The following DOCK6 variants were observed in gnomAD, a reference collection of about 807,000 sequenced individuals.
DOCK6 encodes the protein dedicator of cytokinesis 6.
In DOCK6, 167 loss-of-function variants were observed where a neutral mutation model predicts 230.3. That is an observed-to-expected ratio of 0.73 (90% confidence interval 0.64 to 0.82). The LOEUF (loss-of-function observed/expected upper bound fraction) is 0.82. DOCK6 is among the 40% of genes least tolerant of loss of function. DOCK6 has a pLI of 0.00. For missense variants in DOCK6, 2,598 were observed against 2,825.8 expected (o/e 0.92, Z 1.83); for synonymous variants, 1,148 against 1,185.0 (o/e 0.97, Z 0.64).
intron 22 of DOCK6, 109 bp from the exon 23 acceptor site, chr19:11,229,144 C>A: frequency 8.0e-7 from 1 of 1,254,292 alleles, no homozygotes; most frequent in Non-Finnish European, 1.1e-6. Context: ...GTTAGTGCAG[C>A]AGGAGCCAGG....
Position 11,242,037 on chromosome 19 carries a change from G to C in DOCK6, c.1643+8C>G. On this transcript the variant is annotated splice_region_variant and intron_variant, in intron 14 of 47. Coordinates refer to ENST00000294618, the MANE Select transcript of DOCK6 (RefSeq NM_020812.4). ...TTCAAGTGCCCAGCTGGGCCCCAGAGGCCGTACCTGTAGCTGGTATGGGGG... is the reference window on the plus strand; with the variant it reads ...TTCAAGTGCCCAGCTGGGCCCCAGACGCCGTACCTGTAGCTGGTATGGGGG... The C allele has an allele frequency of 6.4e-7, 1 of 1,566,592 alleles. No individual in the cohort carries two copies.
At chr19:11,253,824 TA>T in intron 1 of DOCK6, 98 bp from the exon 2 acceptor site, 1 of 865,348 alleles carries the variant, frequency 1.2e-6, no homozygotes. Flanking sequence ...TGGAACGAAA[TA>T]AATAGGCCGA....
chr19:11,228,794 C>A (rs2079714471), intron 23 of DOCK6, 146 bp downstream of exon 23: 3 of 655,496 alleles, frequency 4.6e-6, no homozygotes, highest in Non-Finnish European at 7.9e-6. Flanking sequence ...GATCTCCTGA[C>A]CTCGTGATCC....
chr19:11,200,782 G>A lies in DOCK6; in HGVS notation c.5873C>T (p.Pro1958Leu), dbSNP rs372245070. 22 of 1,613,268 alleles carry A rather than the reference G, an allele frequency of 1.4e-5. No homozygotes were observed. The highest frequency in any genetic ancestry group is 1.6e-4 in the Middle Eastern group (1 of 6,082). The change falls in exon 46 of 48, where the codon CCG (proline) becomes CTG (leucine). Residue 1958 changes from proline to leucine, a missense_variant. Pro to Leu is a moderately conservative substitution (Grantham distance 98). Transcript: ENST00000294618. This position sits in a 1 kb window ranked among gnomAD's most constrained non-coding sequence, Gnocchi z 4.3. ...ATGCCGGAAGAGCTTGGGGTCTTCC[G>A]GGATCTCTGCTAAAAACACCTGGGC... The part of the protein sequence containing the change: ...EVAQVFLAEI[P>L]EDPKLFRHHN...
At chr19:11,251,360 T>C (rs1200052745) in intron 5 of DOCK6, 1 of 407,684 alleles carries the variant, frequency 2.5e-6, no homozygotes, top group East Asian at 4.1e-5. Flanking sequence ...TCAAAACACA[T>C]CTACCCACCC....
At position 11,202,399 on chromosome 19, in the gene DOCK6, G is replaced by C; in HGVS notation, c.5446C>G (p.Gln1816Glu). ...NPVDKSKLDSQKAYIQITYVE... is the reference protein window; with the variant it reads ...NPVDKSKLDSEKAYIQITYVE... ...GAAATGGTTGGGGGACCCACCTTTT[G>C]TGAGTCAAGCTTGGACTTGTCCACA... Residue 1816 changes from glutamine (Q) to glutamate (E), a missense_variant, in exon 43 of 48, where the codon CAA (glutamine) becomes GAA (glutamate). Gln to Glu is a conservative substitution (Grantham distance 29). Transcript: ENST00000294618. This position sits in a 1 kb window ranked among gnomAD's most constrained non-coding sequence, Gnocchi z 5.3. The C allele has an allele frequency of 6.2e-7, 1 of 1,613,760 alleles. No individual in the cohort carries two copies.
chr19:11,238,073 C>T lies in DOCK6; in HGVS notation c.1804G>A (p.Ala602Thr), dbSNP rs746927552. Reference protein sequence around the residue: ...KSSCSEFTREAFTPVVYHNKS... With the variant: ...KSSCSEFTRETFTPVVYHNKS... Reference sequence around the variant, plus strand: ...TTATGGTAGACCACCGGTGTGAAGGCCTCGCGGGTAAATTCACTGCAGCTG... The same window carrying T: ...TTATGGTAGACCACCGGTGTGAAGGTCTCGCGGGTAAATTCACTGCAGCTG... Residue 602 changes from alanine to threonine, a missense_variant, in exon 16 of 48, where the codon GCC becomes ACC. Transcript: ENST00000294618. 6.2e-7 allele frequency: 1 copy of T among 1,613,914 alleles called. No homozygotes were observed. The highest frequency in any genetic ancestry group is 1.1e-5 in the South Asian group (1 of 91,078).
rs763900697 is a variant in DOCK6 at position 11,245,721 on chromosome 19, A to G, written c.874-9T>C. 2.5e-6 allele frequency: 4 copies of G among 1,604,794 alleles called. No individual in the cohort carries two copies. Among genetic ancestry groups the G allele is most frequent in the Admixed American group, 3.4e-5 (2 of 59,080 alleles). On this transcript the variant is annotated splice_polypyrimidine_tract_variant and intron_variant, in intron 8 of 47. Transcript: ENST00000294618. Reference sequence around the variant, plus strand: ...TAGAAGTTCTCCGAGATCTGGGGACACCAGAGGCAGCTGGGCCACCACCTC... The same window carrying G: ...TAGAAGTTCTCCGAGATCTGGGGACGCCAGAGGCAGCTGGGCCACCACCTC...
chr19:11,220,687 C>T (rs2079565087), intron 28 of DOCK6, among the ~76,000 whole-genome samples: 1 of 151,774 alleles, frequency 6.6e-6, no homozygotes, highest in South Asian at 2.1e-4. Context: ...TGGAAGTCAG[C>T]AAACAGAAAC....
Position 11,202,740 on chromosome 19 carries a change from G to T in DOCK6, c.5236-31C>A. 1.2e-6 allele frequency: 2 copies of T among 1,611,574 alleles called. No individual in the cohort carries two copies. The highest frequency in any genetic ancestry group is 2.2e-5 in the East Asian group (1 of 44,866). The stretch of plus-strand genomic sequence containing the variant: ...GCTGTGAGAAAGGGTGTGGTTGTCC[G>T]GGAGGCCCCTGCTGGAGGTCTCCCT... On this transcript the variant is annotated intron_variant, in intron 41 of 47. Coordinates refer to ENST00000294618, the MANE Select transcript of DOCK6 (RefSeq NM_020812.4). The surrounding 1 kb of genome is among the most constrained non-coding windows in gnomAD (Gnocchi z 5.3).
At chr19:11,256,132 G>C (rs896423612) in intron 1 of DOCK6, among the ~76,000 whole-genome samples, 1 of 152,078 alleles carries the variant, frequency 6.6e-6, no homozygotes, top group African/African-American at 2.4e-5. Context: ...TCTACTGACT[G>C]GGGGGGTTGA....
chr19:11,211,896 AG>A lies in DOCK6; in HGVS notation c.4651-21del. 6.7e-7 allele frequency: 1 copy of A among 1,489,084 alleles called. No individual in the cohort carries two copies. The highest frequency in any genetic ancestry group is 9.0e-7 in the Non-Finnish European group (1 of 1,107,922). The allele number at this position is 1,489,084 out of a possible 1,614,324, so 92.2% of individuals were successfully genotyped here. On this transcript the variant is annotated intron_variant, in intron 36 of 47. Coordinates refer to ENST00000294618, the MANE Select transcript of DOCK6 (RefSeq NM_020812.4). ...CTGGACCTGGAGCCGGGGAACGTCC[AG>A]GGGCCAATGAGAGCATTAGGAAGTG... is the stretch of plus-strand genomic sequence containing the variant.
Position 11,230,900 on chromosome 19 carries a change from G to T in DOCK6, c.2719-1865C>A, listed in dbSNP as rs185266790. 4.2e-3 allele frequency among the ~76,000 whole-genome samples: 640 copies of T among 152,060 alleles called. 13 individuals are homozygous for T. Among genetic ancestry groups the T allele is most frequent in the Admixed American group, 0.026 (403 of 15,288 alleles). ...GGGGTGAGGCTGCTCGCAGGAACAG[G>T]AGGTCTGATGACAGAGACGACCCAA... is the stretch of plus-strand genomic sequence containing the variant. On this transcript the variant is annotated intron_variant, in intron 22 of 47. Coordinates refer to ENST00000294618, the MANE Select transcript of DOCK6 (RefSeq NM_020812.4).
At chr19:11,206,833 GGTT>G (rs55879713) in intron 39 of DOCK6, among the ~76,000 whole-genome samples, 96,422 of 149,688 alleles carry the variant, frequency 0.64, 31,419 homozygotes, top group African/African-American at 0.76. Flanking sequence ...GATTTGTGGT[GGTT>G]TTTTTTTTTT....
intron 28 of DOCK6, among the ~76,000 whole-genome samples, chr19:11,218,215 T>C (rs1432883864): frequency 1.3e-5 from 2 of 152,018 alleles, no homozygotes; most frequent in Non-Finnish European, 2.9e-5. Context: ...GGCGCCATCT[T>C]GGCCCACTGC....
intron 1 of DOCK6, among the ~76,000 whole-genome samples, chr19:11,254,964 T>G (rs1265120674): frequency 6.6e-6 from 1 of 152,192 alleles, no homozygotes; most frequent in Non-Finnish European, 1.5e-5. Context: ...GAGCTAGGGC[T>G]GTGTGTCCCC....
At position 11,200,157 on chromosome 19, in the gene DOCK6, A is replaced by T; in HGVS notation, c.6101+151T>A. 1.1e-6 allele frequency: 1 copy of T among 940,724 alleles called. No homozygotes were observed. Among genetic ancestry groups the T allele is most frequent in the Admixed American group, 3.1e-5 (1 of 31,944 alleles). The allele number at this position is 940,724 out of a possible 1,614,324, so 58.3% of individuals were successfully genotyped here. A position where few individuals can be genotyped will look rare whatever the true frequency, so the allele number is the denominator to read the frequency against. ...CAGAGGGAGAGTCTCTCAAAAAAAA[A>T]AACAAAAAAAAAACCGGAAACAAAA... On this transcript the variant is annotated intron_variant, in intron 47 of 47. Transcript: ENST00000294618. This position sits in a 1 kb window ranked among gnomAD's most constrained non-coding sequence, Gnocchi z 4.3.
chr19:11,260,366 G>A (rs1287785837), intron 1 of DOCK6, among the ~76,000 whole-genome samples: 3 of 152,140 alleles, frequency 2.0e-5, no homozygotes, highest in African/African-American at 2.4e-5. Flanking sequence ...GATCACTTGA[G>A]CCCAGGAGTT....
chr19:11,234,992 G>A (rs2079824065), intron 21 of DOCK6, among the ~76,000 whole-genome samples: 1 of 151,880 alleles, frequency 6.6e-6, no homozygotes, highest in Non-Finnish European at 1.5e-5. Context: ...GCCCAGACTG[G>A]AGTGCAGTGG....
Sources: gnomAD v4.1 joint callset for allele counts (sites outside exome capture counted in the v4.1 genomes callset) on GRCh38, gnomAD v4.1.1 for gene constraint, Gnocchi (gnomAD v3.1) non-coding constraint, MANE v1.5 for transcripts, NCBI Gene and HGNC (gene_info 2026-07-23, HGNC 2026-07-21) for gene names.